The following EML4 variants were observed in gnomAD, a reference collection of about 807,000 sequenced individuals.
EML4 encodes echinoderm microtubule-associated protein-like 4.
In EML4, 72 loss-of-function variants were observed where a neutral mutation model predicts 129.0. The ratio of observed to expected loss-of-function variants is 0.56; its 90% confidence interval spans 0.46 to 0.68. The LOEUF (loss-of-function observed/expected upper bound fraction) is 0.68. Among genes scored for constraint, EML4 ranks in the 30% least tolerant of loss-of-function variants. The pLI is 0.00. For missense variants in EML4, 1,363 were observed against 1,190.6 expected, an observed-to-expected ratio of 1.14 and a Z score of -2.13; for synonymous variants, 532 against 405.0, an observed-to-expected ratio of 1.31 and a Z score of -3.77.
chr2:42,278,476 A>C (rs1666784152), intron 6 of EML4, among the ~76,000 whole-genome samples: 1 of 142,232 alleles, frequency 7.0e-6, no homozygotes, highest in South Asian at 2.3e-4. Context: ...TGGGAGGCTG[A>C]GTGGGGAGAA....
chr2:42,280,887 A>C lies in EML4; in HGVS notation c.705A>C (p.Pro235=), dbSNP rs533402755. The C allele has an allele frequency of 6.2e-7, 1 of 1,612,214 alleles. No individual in the cohort carries two copies. Among genetic ancestry groups the C allele is most frequent in the South Asian group, 1.1e-5 (1 of 90,776 alleles). ...EYIKMFMRGR[P]ITMFIPSDVD... is the part of the protein sequence containing the mutation. ...TTAAAATGTTTATGCGCGGTCGGCC[A>C]ATTACCATGTTCATTCCTTCCGATG... Residue 235 remains proline, a synonymous_variant, in exon 7 of 23, where the codon CCA becomes CCC. Coordinates refer to ENST00000318522, the MANE Select transcript of EML4 (RefSeq NM_019063.5).
rs570514024 is a variant in EML4 at position 42,237,369 on chromosome 2, GT to G, written c.26-8129del. Among the ~76,000 whole-genome samples, 72 of 152,142 alleles carry G rather than the reference GT, an allele frequency of 4.7e-4. 1 individual carries two copies. In the South Asian group the frequency reaches 0.015, roughly 31 times the overall value. ...TGTAGTTAAGTATCAGTATTTTATGGTTTTTTTGGTGTCTTTTTTGGACCTT... is the reference window on the plus strand; with the variant it reads ...TGTAGTTAAGTATCAGTATTTTATGGTTTTTTGGTGTCTTTTTTGGACCTT... On this transcript the variant is annotated intron_variant, in intron 1 of 22. Coordinates refer to ENST00000318522, the MANE Select transcript of EML4 (RefSeq NM_019063.5).
At chr2:42,184,504 C>G (rs554816395) in intron 1 of EML4, among the ~76,000 whole-genome samples, 2 of 151,920 alleles carry the variant, frequency 1.3e-5, no homozygotes, top group African/African-American at 4.8e-5. Flanking sequence ...CCAAGTTGTC[C>G]TGCCACCTGG....
At position 42,329,658 on chromosome 2, in the gene EML4, G is replaced by A. The variant is rs141648842; in HGVS notation, c.2473-76G>A. On this transcript the variant is annotated intron_variant, in intron 22 of 22. Transcript: ENST00000318522. ...CACAAGCTGAGTTTACCCCCCTTAC[G>A]TATCACCTCCATTTCTGAAACAGGC... 1,144 of 1,245,238 alleles carry A rather than the reference G, an allele frequency of 9.2e-4. 2 individuals carry two copies. The highest frequency in any genetic ancestry group is 1.1e-3 in the Non-Finnish European group (979 of 868,392). 77.1% of individuals were successfully genotyped at this position (1,245,238 alleles called of 1,614,324 possible).
intron 4 of EML4, among the ~76,000 whole-genome samples, chr2:42,261,926 G>A (rs1226728183): frequency 2.0e-5 from 3 of 152,142 alleles, no homozygotes; most frequent in Non-Finnish European, 2.9e-5. Context: ...ATGTGTGTGA[G>A]CCTAAATTGA....
chr2:42,190,053 A>T (rs1671497354), intron 1 of EML4, among the ~76,000 whole-genome samples: 1 of 151,724 alleles, frequency 6.6e-6, no homozygotes, highest in African/African-American at 2.4e-5. Flanking sequence ...TTATAATTTG[A>T]TTTTAAATTT....
chr2:42,195,293 ATT>A (rs965838897), intron 1 of EML4, among the ~76,000 whole-genome samples: 9 of 152,182 alleles, frequency 5.9e-5, no homozygotes, highest in African/African-American at 1.9e-4. Context: ...AACTAATTTT[ATT>A]TTGTGTGAGA....
intron 7 of EML4, among the ~76,000 whole-genome samples, chr2:42,282,182 T>C: frequency 6.9e-6 from 1 of 144,994 alleles, no homozygotes; most frequent in East Asian, 2.0e-4. Flanking sequence ...ATTTGGTGAT[T>C]TTTTTTTTTC....
chr2:42,329,204 A>G (rs535623409), intron 22 of EML4, among the ~76,000 whole-genome samples, 188 bp downstream of exon 22: 1 of 152,306 alleles, frequency 6.6e-6, no homozygotes, highest in Non-Finnish European at 1.5e-5. Flanking sequence ...AAGGCTAAGG[A>G]GAAGTGAGCT....
rs1390559137 is a variant in EML4, at chr2:42,303,412, T to G, written c.1865T>G (p.Met622Arg). 4 of 1,614,072 alleles carry G rather than the reference T, an allele frequency of 2.5e-6. No homozygotes were observed. Among genetic ancestry groups the G allele is most frequent in the South Asian group, 1.1e-5 (1 of 91,062 alleles). Residue 622 changes from methionine (M) to arginine (R), a missense_variant, in exon 16 of 23, where the codon ATG (methionine) becomes AGG (arginine). Transcript: ENST00000318522. ...AGGCAGGTGTGCCTGTGGAACTCAA[T>G]GGAACACAGGCTGGAATGGACCAGG... ...QDRQVCLWNS[M>R]EHRLEWTRLV...
In EML4 at chr2:42,313,932, G is replaced by A. The variant is rs564938133; in HGVS notation, c.1968-2030G>A. ...AGTCTGGGTGACAGAGTGAGACTCC[G>A]TCTCAAAAAAAAAAAAAGCCTACCA... On this transcript the variant is annotated intron_variant, in intron 17 of 22. Coordinates refer to ENST00000318522, the MANE Select transcript of EML4 (RefSeq NM_019063.5). 4.2e-5 allele frequency among the ~76,000 whole-genome samples: 6 copies of A among 141,318 alleles called. No homozygotes were observed. The East Asian group carries it at 6.1e-4, about 14-fold the overall frequency. The allele number at this position is 141,318 out of a possible 152,430, so 92.7% of individuals were successfully genotyped here.
intron 21 of EML4, among the ~76,000 whole-genome samples, chr2:42,327,502 T>G (rs1005322007): frequency 1.3e-5 from 2 of 152,220 alleles, no homozygotes; most frequent in Non-Finnish European, 2.9e-5. Flanking sequence ...TGTCAGTGTA[T>G]TTTATTATTA....
intron 6 of EML4, among the ~76,000 whole-genome samples, chr2:42,267,364 G>C (rs74609240): frequency 0.047 from 7,139 of 152,166 alleles, 539 homozygotes; most frequent in African/African-American, 0.16. Context: ...ATTTTGCATG[G>C]CATATTCACA....
At chr2:42,312,828 C>G (rs1293835425) in intron 17 of EML4, among the ~76,000 whole-genome samples, 1 of 151,792 alleles carries the variant, frequency 6.6e-6, no homozygotes, top group Non-Finnish European at 1.5e-5. Context: ...GCTGGGATTA[C>G]AGGCATGAGC....
At chr2:42,320,591 C>G (rs556515699) in intron 19 of EML4, among the ~76,000 whole-genome samples, 1 of 152,070 alleles carries the variant, frequency 6.6e-6, no homozygotes, top group Non-Finnish European at 1.5e-5. Context: ...TGGGTTGTAC[C>G]TACGGGTATT....
chr2:42,182,901 C>T (rs1671031009), intron 1 of EML4, among the ~76,000 whole-genome samples: 1 of 152,098 alleles, frequency 6.6e-6, no homozygotes, highest in African/African-American at 2.4e-5. Context: ...GTGTACATAT[C>T]ACTGGTGCCT....
intron 1 of EML4, among the ~76,000 whole-genome samples, chr2:42,179,489 G>A (rs1054628668): frequency 6.6e-6 from 1 of 152,048 alleles, no homozygotes; most frequent in African/African-American, 2.4e-5. Flanking sequence ...CTGTCTTCAG[G>A]TTATGTAAGA....
chr2:42,228,080 A>G (rs1200078150), intron 1 of EML4, among the ~76,000 whole-genome samples: 1 of 152,060 alleles, frequency 6.6e-6, no homozygotes, highest in Non-Finnish European at 1.5e-5. Flanking sequence ...AATTAGCTGG[A>G]CATGGTGTCA....
At chr2:42,258,877 A>C (rs1665529395) in intron 3 of EML4, among the ~76,000 whole-genome samples, 1 of 152,250 alleles carries the variant, frequency 6.6e-6, no homozygotes, top group South Asian at 2.1e-4. Context: ...TACTATGTAC[A>C]TTTATTTAAA....
Sources: allele counts gnomAD v4.1 joint callset (sites outside exome capture counted in the v4.1 genomes callset), GRCh38; gene constraint gnomAD v4.1.1; transcripts MANE v1.5; gene names NCBI Gene and HGNC (gene_info 2026-07-23, HGNC 2026-07-21).